Variants in OMA1 observed in about 807,000 individuals in gnomAD.
OMA1 encodes metalloendopeptidase OMA1, mitochondrial.
OMA1 carries 38 observed loss-of-function variants against 30.9 expected under a neutral mutation model. The ratio of observed to expected loss-of-function variants is 1.23; its 90% CI spans 0.95 to 1.61. The LOEUF (loss-of-function observed/expected upper bound fraction) is 1.61. Ranked by LOEUF, OMA1 falls within the 40% of genes most tolerant of loss-of-function variation. The pLI is 0.00. For synonymous variants in OMA1, 173 were observed against 121.9 expected (o/e 1.42, Z -2.76); for missense variants, 461 against 349.2 (o/e 1.32, Z -2.55).
At chr1:58,499,314 C>CAAAAAAAA (rs58217798) in intron 8 of OMA1, among the ~76,000 whole-genome samples, 1 of 69,732 alleles carries the variant, frequency 1.4e-5, no homozygotes, top group Non-Finnish European at 2.8e-5. Flanking sequence ...CACATCTCTA[C>CAAAAAAAA]AAAAAAAAAA....
In OMA1 at chr1:58,533,952, C is replaced by T; in HGVS notation, c.1011+1G>A. The T allele has an allele frequency of 1.1e-6, 1 of 871,980 alleles. No individual in the cohort carries two copies. Among genetic ancestry groups the T allele is most frequent in the Non-Finnish European group, 2.0e-6 (1 of 501,060 alleles). The allele number at this position is 871,980 out of a possible 1,614,324, so 54.0% of individuals were successfully genotyped here. A position where few individuals can be genotyped will look rare whatever the true frequency, so the allele number is the denominator to read the frequency against. ...CCTGAACATTCATTTTAGGTACTTACAGCATGCCCAAGTACTGCATGTGCT... is the reference window on the plus strand; with the variant it reads ...CCTGAACATTCATTTTAGGTACTTATAGCATGCCCAAGTACTGCATGTGCT... On this transcript the variant is annotated splice_donor_variant, in intron 5 of 8. Coordinates refer to ENST00000371226, the MANE Select transcript of OMA1 (RefSeq NM_145243.5). LOFTEE classifies it high-confidence loss of function.
At chr1:58,541,277 G>C (rs78654085) in intron 1 of OMA1, among the ~76,000 whole-genome samples, 34,453 of 103,772 alleles carry the variant, frequency 0.33, 5,812 homozygotes, top group Middle Eastern at 0.42. Context: ...CTGGGCAACA[G>C]AGTGAGACTC....
At chr1:58,542,552 C>G (rs577251321) in intron 1 of OMA1, 1 of 151,790 alleles carries the variant, frequency 6.6e-6, no homozygotes, top group South Asian at 2.1e-4. Context: ...ATTTTTCATG[C>G]CATTTAGGCA....
chr1:58,527,306 T>C lies in OMA1; in HGVS notation c.1170A>G (p.Lys390=). 1 of 872,258 alleles carries C rather than the reference T, an allele frequency of 1.1e-6. No homozygotes were observed. The highest frequency in any genetic ancestry group is 1.3e-5 in the South Asian group (1 of 76,520). 54.0% of individuals were successfully genotyped at this position (872,258 alleles called of 1,614,324 possible). Residue 390 remains lysine, a synonymous_variant, in exon 7 of 9, where the codon AAA becomes AAG. Transcript: ENST00000371226. ...CAATTTTGTCAGCTTCGGCCTCCAA[T>C]TTTCTGCTGTATGGTCTATTAAACA... is the stretch of plus-strand genomic sequence containing the variant. ...EYMFNRPYSR[K]LEAEADKIGL... is the part of the protein sequence containing the mutation.
chr1:58,506,208 G>GTAATTTA lies in OMA1; in HGVS notation c.1216_1217insTAAATTA (p.Ala406ValfsTer21), dbSNP rs1399628524. ...TGAACTGGCTCTTATGTCTGCACAA[G>GTAATTTA]CCTAAAACCAAAATTAGTAAAACCA... On this transcript the variant is annotated frameshift_variant and splice_region_variant, in exon 8 of 9. Transcript: ENST00000371226. LOFTEE classifies it high-confidence loss of function. 1.2e-6 allele frequency: 1 copy of GTAATTTA among 863,946 alleles called. No homozygotes were observed. Among genetic ancestry groups the GTAATTTA allele is most frequent in the Admixed American group, 1.7e-5 (1 of 58,988 alleles). The allele number at this position is 863,946 out of a possible 1,614,324, so 53.5% of individuals were successfully genotyped here.
intron 3 of OMA1, among the ~76,000 whole-genome samples, chr1:58,535,349 T>C (rs1646499481): frequency 6.6e-6 from 1 of 152,128 alleles, no homozygotes; most frequent in African/African-American, 2.4e-5. Context: ...ATGCCTGTAA[T>C]CCCAGCACTT....
chr1:58,492,697 T>C (rs1424681268), intron 8 of OMA1, among the ~76,000 whole-genome samples: 3 of 152,088 alleles, frequency 2.0e-5, no homozygotes, highest in African/African-American at 4.8e-5. Flanking sequence ...ACACATACAG[T>C]CTCCCAAGAC....
At chr1:58,499,795 T>C (rs545928607) in intron 8 of OMA1, among the ~76,000 whole-genome samples, 6 of 151,276 alleles carry the variant, frequency 4.0e-5, no homozygotes, top group Middle Eastern at 3.4e-3. Context: ...TTAAAGTAAA[T>C]AAAAAATAAA....
At chr1:58,545,226 C>A (rs1395193939) in intron 1 of OMA1, among the ~76,000 whole-genome samples, 2 of 152,196 alleles carry the variant, frequency 1.3e-5, no homozygotes, top group Non-Finnish European at 2.9e-5. Flanking sequence ...CACTGCTTAG[C>A]TCTGCACATG....
At chr1:58,482,934 G>A (rs1031037930) in intron 8 of OMA1, among the ~76,000 whole-genome samples, 7 of 152,074 alleles carry the variant, frequency 4.6e-5, no homozygotes, top group Non-Finnish European at 1.0e-4. Context: ...TATTTGTGGG[G>A]TCCATGGAAA....
chr1:58,492,175 A>G (rs1194716221), intron 8 of OMA1, among the ~76,000 whole-genome samples: 5 of 152,260 alleles, frequency 3.3e-5, no homozygotes, highest in African/African-American at 1.2e-4. Context: ...CTGGGTACAT[A>G]ACGAAATGAA....
intron 8 of OMA1, among the ~76,000 whole-genome samples, chr1:58,499,775 T>A (rs920833475): frequency 2.0e-5 from 3 of 148,318 alleles, no homozygotes; most frequent in Admixed American, 6.7e-5. Context: ...TAAAAAATTT[T>A]AAAAATTAGT....
At chr1:58,501,753 G>C (rs555498466) in intron 8 of OMA1, among the ~76,000 whole-genome samples, 2 of 152,236 alleles carry the variant, frequency 1.3e-5, no homozygotes, top group Non-Finnish European at 2.9e-5. Context: ...GGACTCATGT[G>C]TTCCTCTAAA....
chr1:58,517,900 T>A (rs761115785), intron 7 of OMA1, among the ~76,000 whole-genome samples: 2 of 151,444 alleles, frequency 1.3e-5, no homozygotes, highest in African/African-American at 4.9e-5. Flanking sequence ...AGAAAGTGAG[T>A]ATCAGGCCGG....
intron 3 of OMA1, among the ~76,000 whole-genome samples, chr1:58,536,060 G>A (rs1646511561): frequency 6.6e-6 from 1 of 152,048 alleles, no homozygotes; most frequent in Non-Finnish European, 1.5e-5. Context: ...AAATAATTAT[G>A]CAAATAATTA....
intron 8 of OMA1, among the ~76,000 whole-genome samples, chr1:58,503,425 ATTTC>A (rs1645940150): frequency 6.6e-6 from 1 of 152,232 alleles, no homozygotes; most frequent in Admixed American, 6.5e-5. Flanking sequence ...TTTCACTGCT[ATTTC>A]TTTCTCAAAT....
intron 1 of OMA1, 146 bp from the exon 2 acceptor site, chr1:58,539,456 A>G: frequency 1.7e-6 from 1 of 585,382 alleles, no homozygotes; most frequent in Non-Finnish European, 3.0e-6. Context: ...TCACCCCTAG[A>G]GCAACGCCTT....
At chr1:58,513,332 A>G (rs1457146828) in intron 7 of OMA1, among the ~76,000 whole-genome samples, 1 of 152,188 alleles carries the variant, frequency 6.6e-6, no homozygotes, top group African/African-American at 2.4e-5. Flanking sequence ...CTGTGAGTCA[A>G]TTAAACCTCT....
chr1:58,507,228 G>T (rs561577192), intron 7 of OMA1, among the ~76,000 whole-genome samples: 1 of 151,282 alleles, frequency 6.6e-6, no homozygotes, highest in East Asian at 1.9e-4. Context: ...TAAGTAACTG[G>T]AAAACAAGTG....
Sources: allele counts gnomAD v4.1 joint callset (sites outside exome capture counted in the v4.1 genomes callset), GRCh38; gene constraint gnomAD v4.1.1; transcripts MANE v1.5; gene names NCBI Gene and HGNC (gene_info 2026-07-23, HGNC 2026-07-21).